IFT80: variants seen among roughly 807,000 people sequenced by gnomAD.
IFT80 encodes intraflagellar transport protein 80 homolog.
Under a neutral mutation model 107.9 loss-of-function variants are expected in IFT80, and 79 were observed. That is an observed-to-expected ratio of 0.73 (90% CI 0.61 to 0.88). The LOEUF (loss-of-function observed/expected upper bound fraction) is 0.88. IFT80 is among the 40% of genes least tolerant of loss of function. The pLI, the probability that IFT80 is intolerant of heterozygous loss-of-function variation, is 0.00. For synonymous variants in IFT80, 299 were observed against 300.9 expected (o/e 0.99, Z 0.07); for missense variants, 797 against 914.2 (o/e 0.87, Z 1.65).
At chr3:160,260,925 A>C (rs1300073652) in intron 19 of IFT80, among the ~76,000 whole-genome samples, 1 of 152,182 alleles carries the variant, frequency 6.6e-6, no homozygotes, top group Non-Finnish European at 1.5e-5. Flanking sequence ...GTATGAATTC[A>C]CTTTATTTTC....
chr3:160,342,456 G>C (rs1247754166), intron 8 of IFT80, among the ~76,000 whole-genome samples: 1 of 152,064 alleles, frequency 6.6e-6, no homozygotes, highest in Non-Finnish European at 1.5e-5. Context: ...AAATTGCTTA[G>C]GCATGCAGGT....
intron 8 of IFT80, among the ~76,000 whole-genome samples, chr3:160,322,398 G>A (rs1718307301): frequency 6.6e-6 from 1 of 151,838 alleles, no homozygotes; most frequent in African/African-American, 2.4e-5. Flanking sequence ...GTATTCCATG[G>A]TGTATATGTG....
At position 160,285,786 on chromosome 3, in the gene IFT80, GTAGT is replaced by G; in HGVS notation, c.1380+14_1380+17del. The G allele has an allele frequency of 6.7e-7, 1 of 1,490,354 alleles. No individual in the cohort carries two copies. Among genetic ancestry groups the G allele is most frequent in the South Asian group, 1.1e-5 (1 of 87,018 alleles). The allele number at this position is 1,490,354 out of a possible 1,614,324, so 92.3% of individuals were successfully genotyped here. ...TAAATAGTGGCTATTTACATTAGAA[GTAGT>G]TAATGTCCATTACCTTATGAGAAAG... On this transcript the variant is annotated intron_variant, in intron 13 of 19. Transcript: ENST00000326448.
chr3:160,277,739 A>C, intron 16 of IFT80, 69 bp from the exon 17 acceptor site: 1 of 933,224 alleles, frequency 1.1e-6, no homozygotes, highest in Non-Finnish European at 1.7e-6. Flanking sequence ...GCAGTGATTT[A>C]AATACTCATA....
intron 9 of IFT80, among the ~76,000 whole-genome samples, chr3:160,312,629 AT>A (rs1257537580): frequency 3.3e-5 from 2 of 61,510 alleles, no homozygotes; most frequent in African/African-American, 1.4e-4. Context: ...TAATATATAT[AT>A]ATAATAAATA....
At chr3:160,363,445 T>C (rs1721641973) in intron 6 of IFT80, among the ~76,000 whole-genome samples, 2 of 152,158 alleles carry the variant, frequency 1.3e-5, no homozygotes. Context: ...CTGCCCAAAG[T>C]AATTTATAGA....
In IFT80 at chr3:160,396,064, T is replaced by C. The variant is rs1327128585; in HGVS notation, c.-47+3082A>G. On this transcript the variant is annotated intron_variant, in intron 1 of 19. Coordinates refer to ENST00000326448, the MANE Select transcript of IFT80 (RefSeq NM_020800.3). ...CCATTTTATTTTCTCTCTTAAGCCA[T>C]ACTCTCTACCTCTACTGCTTGTTGA... is the stretch of plus-strand genomic sequence containing the variant. 5.3e-5 allele frequency among the ~76,000 whole-genome samples: 8 copies of C among 152,158 alleles called. No homozygotes were observed. In the South Asian group the frequency reaches 1.5e-3, roughly 28 times the overall value.
intron 9 of IFT80, among the ~76,000 whole-genome samples, chr3:160,313,882 A>G (rs966955266): frequency 6.6e-6 from 1 of 152,064 alleles, no homozygotes; most frequent in Admixed American, 6.5e-5. Flanking sequence ...TGCTGGGATG[A>G]TAGGTGTGAG....
At chr3:160,276,511 A>T (rs1406115434) in intron 18 of IFT80, among the ~76,000 whole-genome samples, 1 of 152,188 alleles carries the variant, frequency 6.6e-6, no homozygotes, top group Non-Finnish European at 1.5e-5. Context: ...ACCTGGAAAA[A>T]TATGTCAATT....
At chr3:160,270,460 C>A (rs555114524) in intron 18 of IFT80, among the ~76,000 whole-genome samples, 2 of 152,010 alleles carry the variant, frequency 1.3e-5, no homozygotes, top group African/African-American at 4.8e-5. Context: ...ATGGTAATGC[C>A]AAAATTGGGC....
chr3:160,287,196 T>C lies in IFT80; in HGVS notation c.1316-1328A>G, dbSNP rs1576754753. Among the ~76,000 whole-genome samples, 4 of 152,334 alleles carry C rather than the reference T, an allele frequency of 2.6e-5. No individual in the cohort carries two copies. In the East Asian group the frequency reaches 7.7e-4, roughly 29 times the overall value. ...GAGAAGAGGGCACAGAAACTCTGTGTCTATCCTTTATAATAAAACTGTAAT... is the reference window on the plus strand; with the variant it reads ...GAGAAGAGGGCACAGAAACTCTGTGCCTATCCTTTATAATAAAACTGTAAT... On this transcript the variant is annotated intron_variant, in intron 12 of 19. Coordinates refer to ENST00000326448, the MANE Select transcript of IFT80 (RefSeq NM_020800.3).
chr3:160,375,027 T>A (rs897936338), intron 5 of IFT80, among the ~76,000 whole-genome samples: 1 of 152,166 alleles, frequency 6.6e-6, no homozygotes, highest in Non-Finnish European at 1.5e-5. Flanking sequence ...TAAACATGGT[T>A]TTAAAAATAA....
intron 2 of IFT80, chr3:160,383,683 C>T (rs1712700163): frequency 1.0e-6 from 1 of 985,146 alleles, no homozygotes; most frequent in Non-Finnish European, 1.2e-6. Flanking sequence ...ATACTTTGAG[C>T]AGAATTAGTC....
intron 8 of IFT80, among the ~76,000 whole-genome samples, chr3:160,344,802 TAAAAG>T (rs1425538382): frequency 1.3e-5 from 2 of 152,128 alleles, no homozygotes; most frequent in Non-Finnish European, 2.9e-5. Context: ...AGACATTTCT[TAAAAG>T]AAGTCATACA....
intron 2 of IFT80, chr3:160,383,713 A>G: frequency 2.0e-6 from 2 of 985,408 alleles, no homozygotes; most frequent in Non-Finnish European, 2.4e-6. Context: ...AAGAATGATG[A>G]TAGTGGGGCC....
In IFT80 at chr3:160,277,614, A is replaced by G. The variant is rs777515346; in HGVS notation, c.1893T>C (p.Thr631=). 9 of 1,613,676 alleles carry G rather than the reference A, an allele frequency of 5.6e-6. No homozygotes were observed. In the South Asian group the frequency reaches 6.6e-5, roughly 12 times the overall value. Residue 631 remains threonine (T), a synonymous_variant, in exon 17 of 20, where the codon ACT becomes ACC. Transcript: ENST00000326448. ...TTGCTGCATAGGCTATTTCTGCAGT[A>G]GTCATATCTCGATTAGCAACTGCCA... is the stretch of plus-strand genomic sequence containing the variant. The part of the protein sequence containing the change: ...AAMAVANRDM[T]TAEIAYAAIG...
At chr3:160,327,868 T>A (rs1718786827) in intron 8 of IFT80, among the ~76,000 whole-genome samples, 1 of 152,084 alleles carries the variant, frequency 6.6e-6, no homozygotes, top group South Asian at 2.1e-4. Context: ...AACTTCTGCA[T>A]AGCAAAAGAA....
intron 9 of IFT80, among the ~76,000 whole-genome samples, chr3:160,319,391 T>C (rs1288692737): frequency 6.6e-6 from 1 of 152,034 alleles, no homozygotes; most frequent in Non-Finnish European, 1.5e-5. Flanking sequence ...GTAAAACAAT[T>C]AACCCTGTCA....
In IFT80 at chr3:160,280,726, G is replaced by A; in HGVS notation, c.1605C>T (p.Pro535=). The change falls in exon 15 of 20, where the codon CCC becomes CCT. Residue 535 remains proline (P), a synonymous_variant. Coordinates refer to ENST00000326448, the MANE Select transcript of IFT80 (RefSeq NM_020800.3). ...QDTRFIVWYY[P]NTVYVDRDIL... is the part of the protein sequence containing the mutation. ...TGTCTCTGTCCACATAAACTGTATT[G>A]GGGTAATACCACACTATAAATCGAG... The A allele has an allele frequency of 6.2e-7, 1 of 1,612,142 alleles. No individual in the cohort carries two copies. The highest frequency in any genetic ancestry group is 8.5e-7 in the Non-Finnish European group (1 of 1,178,506).
Sources: allele counts gnomAD v4.1 joint callset (sites outside exome capture counted in the v4.1 genomes callset), GRCh38; gene constraint gnomAD v4.1.1; transcripts MANE v1.5; gene names NCBI Gene and HGNC (gene_info 2026-07-23, HGNC 2026-07-21).